SEPTIN2: variants seen among roughly 807,000 people sequenced by gnomAD.
SEPTIN2 encodes the protein septin 2.
A neutral mutation model predicts 46.5 loss-of-function variants in SEPTIN2; 34 were observed. That is an observed-to-expected ratio of 0.73 (90% CI 0.56 to 0.97). The LOEUF is 0.97. Among genes scored for constraint, SEPTIN2 ranks in the 50% least tolerant of loss-of-function variants. The probability of loss-of-function intolerance (pLI) is 0.00; values close to 1 mark genes in which losing one functional copy is unlikely to be tolerated. For synonymous variants in SEPTIN2, 175 were observed against 153.4 expected, an observed-to-expected ratio of 1.14 and a Z score of -1.04; for missense variants, 347 against 448.4, an observed-to-expected ratio of 0.77 and a Z score of 2.04.
chr2:241,332,806 C>T (rs1282690184), intron 3 of SEPTIN2, among the ~76,000 whole-genome samples: 1 of 152,176 alleles, frequency 6.6e-6, no homozygotes, highest in Non-Finnish European at 1.5e-5. Flanking sequence ...ACGAACTACT[C>T]GTAGATGCAA....
intron 2 of SEPTIN2, among the ~76,000 whole-genome samples, chr2:241,325,572 A>G (rs1442049523): frequency 6.6e-6 from 1 of 152,176 alleles, no homozygotes; most frequent in Non-Finnish European, 1.5e-5. Context: ...TTCTTTAGCC[A>G]AGTTTGTTGA....
upstream of SEPTIN2, chr2:241,315,919 A>C (rs1404274198): frequency 6.6e-6 from 1 of 151,506 alleles, no homozygotes; most frequent in African/African-American, 2.4e-5. Flanking sequence ...CTGTGAGCGG[A>C]CCGCGAGCGC....
At chr2:241,324,051 T>C in intron 1 of SEPTIN2, 165 bp from the exon 2 acceptor site, 1 of 597,084 alleles carries the variant, frequency 1.7e-6, no homozygotes, top group Non-Finnish European at 2.9e-6. Context: ...AACTTTTCCC[T>C]TTGGCCTAAT....
intron 3 of SEPTIN2, among the ~76,000 whole-genome samples, chr2:241,327,591 G>A (rs1239790309): frequency 6.6e-6 from 1 of 151,058 alleles, no homozygotes; most frequent in Admixed American, 6.6e-5. Flanking sequence ...CAAGAAGCTT[G>A]ACAAATACCA....
intron 3 of SEPTIN2, among the ~76,000 whole-genome samples, chr2:241,333,351 G>T (rs541716154): frequency 6.6e-6 from 1 of 152,124 alleles, no homozygotes; most frequent in Non-Finnish European, 1.5e-5. Context: ...TTGCACCACC[G>T]TTTATTAAAA....
chr2:241,343,787 G>A lies in SEPTIN2; in HGVS notation c.732G>A (p.Gln244=). Residue 244 remains glutamine (Q), a synonymous_variant, in exon 9 of 13, where the codon CAG becomes CAA. Transcript: ENST00000391971. ...CATTCTCTGTGGTTGGATCCAATCA[G>A]TTGATTGAAGCCAAAGGAAAGAAGG... ...SIPFSVVGSN[Q]LIEAKGKKVR... is the part of the protein sequence containing the mutation. The A allele has an allele frequency of 6.2e-7, 1 of 1,614,176 alleles. No individual in the cohort carries two copies. The highest frequency in any genetic ancestry group is 8.5e-7 in the Non-Finnish European group (1 of 1,180,012).
At chr2:241,337,873 A>G in intron 7 of SEPTIN2, 83 bp downstream of exon 7, 1 of 938,806 alleles carries the variant, frequency 1.1e-6, no homozygotes, top group Non-Finnish European at 1.7e-6. Context: ...TCCCACGCTC[A>G]GTCTGCTCAG....
intron 1 of SEPTIN2, among the ~76,000 whole-genome samples, chr2:241,319,482 C>T (rs2076838071): frequency 6.6e-6 from 1 of 152,230 alleles, no homozygotes; most frequent in Non-Finnish European, 1.5e-5. Context: ...TATGGAAGGG[C>T]ATTCCTGCCG....
intron 4 of SEPTIN2, chr2:241,335,568 CAGAA>C: frequency 3.3e-6 from 2 of 607,370 alleles, no homozygotes; most frequent in Non-Finnish European, 5.8e-6. Context: ...CATCTACTGT[CAGAA>C]AGTTCCAGCA....
In SEPTIN2 at chr2:241,327,154, C is replaced by T. The variant is rs2078132726; in HGVS notation, c.130+1041C>T. 2.0e-5 allele frequency among the ~76,000 whole-genome samples: 3 copies of T among 147,490 alleles called. No individual in the cohort carries two copies. The South Asian group carries it at 6.5e-4, about 32-fold the overall frequency. ...TTGTGTGGCATCAAAGAAACAAAAACTGTACATAATCAGGAGAAAAAGCAG... is the reference window on the plus strand; with the variant it reads ...TTGTGTGGCATCAAAGAAACAAAAATTGTACATAATCAGGAGAAAAAGCAG... On this transcript the variant is annotated intron_variant, in intron 3 of 12. Coordinates refer to ENST00000391971, the MANE Select transcript of SEPTIN2 (RefSeq NM_004404.5).
intron 5 of SEPTIN2, 100 bp downstream of exon 5, chr2:241,336,198 G>A: frequency 8.1e-7 from 1 of 1,233,874 alleles, no homozygotes; most frequent in Non-Finnish European, 1.1e-6. Context: ...TGGGATTGCT[G>A]TATATAATAA....
chr2:241,343,963 G>A (rs1375716383), intron 9 of SEPTIN2, 66 bp downstream of exon 9: 2 of 1,575,148 alleles, frequency 1.3e-6, no homozygotes, highest in Admixed American at 1.7e-5. Flanking sequence ...CAGACGGGGT[G>A]TACACTTGGC....
chr2:241,335,887 G>C (rs2079887547), intron 4 of SEPTIN2, 88 bp from the exon 5 acceptor site: 1 of 1,549,304 alleles, frequency 6.5e-7, no homozygotes, highest in Non-Finnish European at 8.9e-7. Flanking sequence ...TAGAGAGGCA[G>C]TAGACTCTGA....
intron 7 of SEPTIN2, among the ~76,000 whole-genome samples, chr2:241,339,091 T>G (rs2080890408): frequency 7.2e-6 from 1 of 139,820 alleles, no homozygotes; most frequent in African/African-American, 2.7e-5. Context: ...ACATATATTT[T>G]TTAAAATAAA....
Position 241,337,675 on chromosome 2 carries a change from T to G in SEPTIN2, c.479T>G (p.Leu160Arg). 2.5e-6 allele frequency: 4 copies of G among 1,611,068 alleles called. No individual in the cohort carries two copies. Among genetic ancestry groups the G allele is most frequent in the Non-Finnish European group, 3.4e-6 (4 of 1,178,570 alleles). ...GACAATTCTAAAATTAATTTTAGAC[T>G]TAAGCCCTTAGATGTGGCGTTTATG... Reference protein sequence around the residue: ...FYFISPFGHGLKPLDVAFMKA... With the variant: ...FYFISPFGHGRKPLDVAFMKA... Residue 160 changes from leucine (L) to arginine (R), a missense_variant and splice_region_variant, in exon 7 of 13, where the codon CTT becomes CGT. Leu to Arg is a moderately radical substitution (Grantham distance 102, BLOSUM62 -2). Transcript: ENST00000391971.
intron 1 of SEPTIN2, chr2:241,316,927 T>G (rs1448905976): frequency 5.8e-6 from 1 of 172,514 alleles, no homozygotes; most frequent in East Asian, 1.5e-4. Flanking sequence ...CAGGCTTAGG[T>G]GTTTACCTGA....
chr2:241,324,502 C>G (rs1187606704), intron 2 of SEPTIN2: 2 of 472,302 alleles, frequency 4.2e-6, no homozygotes, highest in Non-Finnish European at 7.9e-6. Context: ...ATTCCCCTGG[C>G]TCAGCCTCCG....
chr2:241,326,800 T>C (rs2078047918), intron 3 of SEPTIN2, among the ~76,000 whole-genome samples: 1 of 152,114 alleles, frequency 6.6e-6, no homozygotes, highest in South Asian at 2.1e-4. Context: ...TTCAGAAATA[T>C]CCTCCAGGCC....
intron 1 of SEPTIN2, among the ~76,000 whole-genome samples, chr2:241,322,705 C>G (rs1457883516): frequency 1.3e-5 from 2 of 152,108 alleles, no homozygotes; most frequent in African/African-American, 4.8e-5. Context: ...ATTTCCTTTC[C>G]TCATAAATGT....
Sources: allele counts gnomAD v4.1 joint callset (sites outside exome capture counted in the v4.1 genomes callset), GRCh38; gene constraint gnomAD v4.1.1; transcripts MANE v1.5; gene names NCBI Gene and HGNC (gene_info 2026-07-23, HGNC 2026-07-21).